Variants in FREM3 observed in about 807,000 individuals in gnomAD.
The protein encoded by FREM3 is FRAS1-related extracellular matrix protein 3.
A neutral mutation model predicts 129.1 loss-of-function variants in FREM3; 105 were observed. The observed-to-expected ratio is 0.81, with a 90% CI of 0.69 to 0.96. The LOEUF (loss-of-function observed/expected upper bound fraction) is 0.96. FREM3 is among the 40% of genes least tolerant of loss of function. FREM3 has a pLI of 0.00. For synonymous variants in FREM3, 1,014 were observed against 1,044.9 expected, an observed-to-expected ratio of 0.97 and a Z score of 0.57; for missense variants, 2,593 against 2,666.3, an observed-to-expected ratio of 0.97 and a Z score of 0.61.
intron 7 of FREM3, among the ~76,000 whole-genome samples, chr4:143,581,684 G>A (rs1261741255): frequency 2.0e-5 from 3 of 152,138 alleles, no homozygotes; most frequent in African/African-American, 4.8e-5. Flanking sequence ...CATATGGACA[G>A]GAGCCAAGTC....
At position 143,627,769 on chromosome 4, in the gene FREM3, G is replaced by C. The variant is rs1336666573; in HGVS notation, c.5276-9C>G. The C allele has an allele frequency of 6.5e-7, 1 of 1,531,276 alleles. No homozygotes were observed. The highest frequency in any genetic ancestry group is 8.8e-7 in the Non-Finnish European group (1 of 1,141,986). The allele number at this position is 1,531,276 out of a possible 1,614,324, so 94.9% of individuals were successfully genotyped here. ...TGTTAGTTTATTTCCTCCTGCAATTGATAGGGGCAAAGGAAAAGTCAGCTG... is the reference window on the plus strand; with the variant it reads ...TGTTAGTTTATTTCCTCCTGCAATTCATAGGGGCAAAGGAAAAGTCAGCTG... On this transcript the variant is annotated splice_polypyrimidine_tract_variant and intron_variant, in intron 2 of 7. Coordinates refer to ENST00000329798, the MANE Select transcript of FREM3 (RefSeq NM_001168235.2).
chr4:143,616,557 C>T (rs1288508979), intron 5 of FREM3, among the ~76,000 whole-genome samples: 3 of 151,986 alleles, frequency 2.0e-5, no homozygotes, highest in Non-Finnish European at 2.9e-5. Context: ...GAGGCCGAGG[C>T]GGACGGATCA....
chr4:143,683,871 G>A (rs992572404), intron 2 of FREM3, among the ~76,000 whole-genome samples: 12 of 152,122 alleles, frequency 7.9e-5, no homozygotes, highest in Admixed American at 1.3e-4. Flanking sequence ...AGCTGGCTGA[G>A]GCCTGTGACT....
intron 2 of FREM3, among the ~76,000 whole-genome samples, chr4:143,655,262 G>A (rs1329655827): frequency 6.6e-6 from 1 of 152,120 alleles, no homozygotes; most frequent in African/African-American, 2.4e-5. Context: ...AGCACGAAAG[G>A]TGAAATTATG....
chr4:143,583,834 A>C (rs1483439937), intron 7 of FREM3, among the ~76,000 whole-genome samples: 2 of 152,232 alleles, frequency 1.3e-5, no homozygotes, highest in East Asian at 3.9e-4. Context: ...ATGAAAGACC[A>C]TTATGGCCAC....
intron 2 of FREM3, among the ~76,000 whole-genome samples, chr4:143,679,569 C>T (rs976122065): frequency 3.3e-5 from 5 of 152,154 alleles, no homozygotes; most frequent in Non-Finnish European, 5.9e-5. Context: ...TGGCATATCT[C>T]ATATGGGAGA....
At chr4:143,658,229 T>C (rs1285785199) in intron 2 of FREM3, among the ~76,000 whole-genome samples, 1 of 152,196 alleles carries the variant, frequency 6.6e-6, no homozygotes, top group African/African-American at 2.4e-5. Context: ...TTAGGAGACG[T>C]GGCCTTTGGG....
At chr4:143,610,555 AC>A (rs368930054) in intron 6 of FREM3, among the ~76,000 whole-genome samples, 35 of 152,268 alleles carry the variant, frequency 2.3e-4, no homozygotes, top group African/African-American at 6.3e-4. Context: ...ACTCACAGCC[AC>A]TCAAATCCTG....
intron 6 of FREM3, among the ~76,000 whole-genome samples, chr4:143,599,766 T>TGGGCTAGATTCA (rs113615791): frequency 0.68 from 103,198 of 151,598 alleles, 36,232 homozygotes; most frequent in African/African-American, 0.86. Flanking sequence ...GGTCTATTCT[T>TGGGCTAGATTCA]GGGCTAGATT....
intron 2 of FREM3, among the ~76,000 whole-genome samples, chr4:143,675,577 C>G (rs1740100664): frequency 6.6e-6 from 1 of 152,086 alleles, no homozygotes; most frequent in Non-Finnish European, 1.5e-5. Context: ...ACAAAAAACC[C>G]TTCAAAAAAT....
intron 2 of FREM3, among the ~76,000 whole-genome samples, chr4:143,665,905 C>T (rs1313802890): frequency 6.6e-6 from 1 of 152,038 alleles, no homozygotes; most frequent in East Asian, 1.9e-4. Context: ...ATTATGTTTT[C>T]TCAACATGTT....
At chr4:143,673,935 T>C (rs961669748) in intron 2 of FREM3, among the ~76,000 whole-genome samples, 10 of 152,218 alleles carry the variant, frequency 6.6e-5, no homozygotes, top group African/African-American at 2.4e-4. Context: ...GCTAAGACCA[T>C]TGGAAAAGTG....
Position 143,698,953 on chromosome 4 carries a change from C to T in FREM3, c.1723G>A (p.Glu575Lys). Reference sequence around the variant, plus strand: ...AGCACAAAGTGGATGGTTGAGTCCTCAGAGTCAATATCAGTAGCACTCAGT... The same window carrying T: ...AGCACAAAGTGGATGGTTGAGTCCTTAGAGTCAATATCAGTAGCACTCAGT... ...FVLSATDIDS[E>K]DSTIHFVLEN... The change falls in exon 1 of 8, where the codon GAG becomes AAG. Residue 575 changes from glutamate to lysine, a missense_variant. Coordinates refer to ENST00000329798, the MANE Select transcript of FREM3 (RefSeq NM_001168235.2). The T allele has an allele frequency of 6.5e-7, 1 of 1,537,212 alleles. No homozygotes were observed. The highest frequency in any genetic ancestry group is 1.4e-5 in the African/African-American group (1 of 73,134).
chr4:143,601,229 T>G (rs1295542010), intron 6 of FREM3, among the ~76,000 whole-genome samples: 1 of 152,204 alleles, frequency 6.6e-6, no homozygotes, highest in East Asian at 1.9e-4. Flanking sequence ...AACCACATTT[T>G]CAAAAAGTTG....
chr4:143,691,531 G>A (rs1375856820), intron 2 of FREM3, among the ~76,000 whole-genome samples: 2 of 152,190 alleles, frequency 1.3e-5, no homozygotes, highest in Non-Finnish European at 2.9e-5. Flanking sequence ...TGGCAGTTAA[G>A]AGCCCTAGCT....
chr4:143,582,814 C>T (rs1322594231), intron 7 of FREM3, among the ~76,000 whole-genome samples: 1 of 151,598 alleles, frequency 6.6e-6, no homozygotes, highest in African/African-American at 2.4e-5. Context: ...AAGAAAGAAC[C>T]AACAGATCTG....
At chr4:143,679,313 G>A (rs1553071) in intron 2 of FREM3, among the ~76,000 whole-genome samples, 3,053 of 152,158 alleles carry the variant, frequency 0.02, 114 homozygotes, top group African/African-American at 0.068. Flanking sequence ...TCTCTCATTC[G>A]TTGAATTCTC....
chr4:143,667,307 G>A (rs1023838455), intron 2 of FREM3, among the ~76,000 whole-genome samples: 1 of 151,788 alleles, frequency 6.6e-6, no homozygotes, highest in African/African-American at 2.4e-5. Flanking sequence ...ACTACTTAAG[G>A]AAAAAATTGA....
At chr4:143,590,548 T>G (rs1448612366) in intron 6 of FREM3, among the ~76,000 whole-genome samples, 4 of 152,226 alleles carry the variant, frequency 2.6e-5, no homozygotes, top group Non-Finnish European at 5.9e-5. Flanking sequence ...GTTTATTGAT[T>G]TTTGTATGTT....
Sources: allele counts gnomAD v4.1 joint callset (sites outside exome capture counted in the v4.1 genomes callset), GRCh38; gene constraint gnomAD v4.1.1; transcripts MANE v1.5; gene names NCBI Gene and HGNC (gene_info 2026-07-23, HGNC 2026-07-21).